Variants in CMSS1 observed in about 807,000 individuals in gnomAD.
CMSS1 encodes protein CMSS1.
In CMSS1, 33 loss-of-function variants were observed where a neutral mutation model predicts 43.5. The ratio of observed to expected loss-of-function variants is 0.76; its 90% CI spans 0.57 to 1.01. The LOEUF is 1.01. Ranked by LOEUF, CMSS1 falls within the 50% of genes least tolerant of loss-of-function variation. CMSS1 has a pLI of 0.00. For synonymous variants in CMSS1, 115 were observed against 117.2 expected, an observed-to-expected ratio of 0.98 and a Z score of 0.12; for missense variants, 313 against 326.4, an observed-to-expected ratio of 0.96 and a Z score of 0.32.
intron 1 of CMSS1, chr3:99,876,019 G>C (rs929410603): frequency 1.0e-6 from 1 of 981,488 alleles, no homozygotes; most frequent in Non-Finnish European, 1.2e-6. Context: ...TTGCTACCTG[G>C]CTGTCTGACA....
chr3:99,904,256 T>C (rs1291456136), intron 1 of CMSS1, among the ~76,000 whole-genome samples: 2 of 152,258 alleles, frequency 1.3e-5, no homozygotes, highest in Non-Finnish European at 2.9e-5. Context: ...AGAATGTGCT[T>C]ATTTTATTTT....
intron 1 of CMSS1, among the ~76,000 whole-genome samples, chr3:100,000,191 G>C (rs1470449192): frequency 6.6e-6 from 1 of 152,134 alleles, no homozygotes; most frequent in Non-Finnish European, 1.5e-5. Flanking sequence ...GCCTTCTTCT[G>C]ATCCTTCAGG....
intron 1 of CMSS1, among the ~76,000 whole-genome samples, chr3:99,896,879 T>C (rs533477568): frequency 1.1e-3 from 160 of 152,206 alleles, no homozygotes; most frequent in Non-Finnish European, 2.0e-3. Flanking sequence ...AACAAATCAG[T>C]GTATACAACG....
chr3:100,114,935 T>C, intron 1 of CMSS1: 8 of 1,533,472 alleles, frequency 5.2e-6, no homozygotes, highest in Non-Finnish European at 7.0e-6. Context: ...TTCCATTTAG[T>C]GTCACAGGAG....
chr3:99,867,350 T>C (rs1944570907), intron 1 of CMSS1, among the ~76,000 whole-genome samples: 1 of 152,194 alleles, frequency 6.6e-6, no homozygotes, highest in Non-Finnish European at 1.5e-5. Flanking sequence ...ATTTTTGCCC[T>C]GACCATATCT....
At chr3:100,074,885 G>T (rs754877353) in intron 1 of CMSS1, among the ~76,000 whole-genome samples, 28 of 151,262 alleles carry the variant, frequency 1.9e-4, no homozygotes, top group Middle Eastern at 3.4e-3. Flanking sequence ...ATAGAGACAG[G>T]GTTTCGCCGT....
chr3:100,064,831 T>C (rs1208732179), intron 1 of CMSS1, among the ~76,000 whole-genome samples: 1 of 152,062 alleles, frequency 6.6e-6, no homozygotes, highest in Admixed American at 6.6e-5. Context: ...GCAGTTGGAT[T>C]TCCACACAGT....
At chr3:99,904,021 G>T (rs141627080) in intron 1 of CMSS1, among the ~76,000 whole-genome samples, 3 of 152,178 alleles carry the variant, frequency 2.0e-5, no homozygotes, top group Non-Finnish European at 4.4e-5. Context: ...GTTGAGATAT[G>T]CATCTTGTTT....
At chr3:99,851,159 T>C (rs772738169) in intron 1 of CMSS1, 30 of 1,038,460 alleles carry the variant, frequency 2.9e-5, no homozygotes, top group Non-Finnish European at 4.1e-5. Flanking sequence ...TTAGAAATTA[T>C]GTAATTATAT....
At chr3:99,999,476 C>T (rs1365144847) in intron 1 of CMSS1, among the ~76,000 whole-genome samples, 2 of 152,082 alleles carry the variant, frequency 1.3e-5, no homozygotes, top group African/African-American at 4.8e-5. Context: ...AGTAGATTAT[C>T]GACAGACTTT....
intron 1 of CMSS1, among the ~76,000 whole-genome samples, chr3:100,077,753 TAAA>T (rs1211268814): frequency 6.6e-6 from 1 of 151,754 alleles, no homozygotes; most frequent in Admixed American, 6.6e-5. Context: ...CTACAAGAAA[TAAA>T]AAAATTAGCC....
chr3:99,975,973 C>T (rs1171278743), intron 1 of CMSS1, among the ~76,000 whole-genome samples: 1 of 152,184 alleles, frequency 6.6e-6, no homozygotes, highest in Non-Finnish European at 1.5e-5. Context: ...CAACCTCCGC[C>T]TCCTGGGTTC....
At chr3:100,164,437 G>C (rs892738445) in intron 4 of CMSS1, among the ~76,000 whole-genome samples, 1 of 152,166 alleles carries the variant, frequency 6.6e-6, no homozygotes, top group Admixed American at 6.5e-5. Context: ...GGAGTCATTT[G>C]AGTTCCATAG....
chr3:99,949,400 T>G (rs1335265901), intron 1 of CMSS1, among the ~76,000 whole-genome samples: 1 of 152,256 alleles, frequency 6.6e-6, no homozygotes, highest in Non-Finnish European at 1.5e-5. Flanking sequence ...ATTTTTGTTC[T>G]TCAGCTCTGT....
At chr3:100,120,887 G>A (rs72936565) in intron 1 of CMSS1, among the ~76,000 whole-genome samples, 4,809 of 152,170 alleles carry the variant, frequency 0.032, 248 homozygotes, top group African/African-American at 0.11. Context: ...GTCAACCCAG[G>A]CACCCTGGCA....
At chr3:100,048,427 A>G (rs556204064) in intron 1 of CMSS1, among the ~76,000 whole-genome samples, 1 of 152,262 alleles carries the variant, frequency 6.6e-6, no homozygotes, top group Non-Finnish European at 1.5e-5. Flanking sequence ...GAGGAAGAGT[A>G]GAGCCAGCTC....
intron 1 of CMSS1, among the ~76,000 whole-genome samples, chr3:100,101,695 G>A (rs1411297622): frequency 6.6e-5 from 10 of 152,054 alleles, no homozygotes; most frequent in Admixed American, 6.6e-4. Flanking sequence ...ATGTATACAT[G>A]TGCCATGTTG....
intron 1 of CMSS1, among the ~76,000 whole-genome samples, chr3:99,873,057 A>G (rs1257321334): frequency 1.3e-5 from 2 of 152,164 alleles, no homozygotes; most frequent in Non-Finnish European, 2.9e-5. Context: ...GACCAGCCAT[A>G]GGAGGTTCTA....
intron 1 of CMSS1, among the ~76,000 whole-genome samples, chr3:99,956,111 C>T (rs1708312559): frequency 6.6e-6 from 1 of 152,110 alleles, no homozygotes; most frequent in Non-Finnish European, 1.5e-5. Flanking sequence ...TTATTCATTC[C>T]TTATTGCCTC....
Sources: allele counts gnomAD v4.1 joint callset (sites outside exome capture counted in the v4.1 genomes callset), GRCh38; gene constraint gnomAD v4.1.1; transcripts MANE v1.5; gene names NCBI Gene and HGNC (gene_info 2026-07-23, HGNC 2026-07-21).